The following IL13RA1 variants were observed in gnomAD, a reference collection of about 807,000 sequenced individuals.
IL13RA1 encodes interleukin-13 receptor subunit alpha-1.
Under a neutral mutation model 33.8 loss-of-function variants are expected in IL13RA1, and 14 were observed. That is an observed-to-expected ratio of 0.41 (90% CI 0.27 to 0.65). The LOEUF is 0.65. IL13RA1 is among the 30% of genes least tolerant of loss of function. The pLI is 0.28. For synonymous variants in IL13RA1, 116 were observed against 115.7 expected (o/e 1.00, Z -0.02); for missense variants, 313 against 327.0 (o/e 0.96, Z 0.33).
At chrX:118,801,348 G>C in the IL13RA1 span, among the ~76,000 whole-genome samples, 1 of 111,652 alleles carries the variant, frequency 9.0e-6, no homozygotes, top group Non-Finnish European at 1.9e-5. Context: ...CCTTATTGTG[G>C]ATCTTCTTCC....
At chrX:118,731,577 CAAA>C (rs371387309) in intron 1 of IL13RA1, among the ~76,000 whole-genome samples, 9 of 53,659 alleles carry the variant, frequency 1.7e-4, no homozygotes, top group Admixed American at 3.8e-4. Flanking sequence ...ACTCCGTCTC[CAAA>C]AAAAAAAAAA....
At position 118,793,459 on chromosome X, in the gene IL13RA1, G is replaced by T. The variant is rs1470827188; in HGVS notation, c.*1605G>T. 2 of 111,724 alleles carry T rather than the reference G, an allele frequency of 1.8e-5. No homozygotes were observed. The highest frequency in any genetic ancestry group is 3.8e-5 in the Non-Finnish European group (2 of 53,192). 9.2% of individuals were successfully genotyped at this position (111,724 alleles called of 1,213,427 possible). ...CTTTTGTGTCTTACATTGGTAGCCA[G>T]CCAGCCAAGGCTCTGTTTATGCTTT... On this transcript the variant is annotated 3_prime_UTR_variant, in exon 11 of 11. Coordinates refer to ENST00000371666, the MANE Select transcript of IL13RA1 (RefSeq NM_001560.3).
At chrX:118,773,688 C>T (rs933176654) in intron 8 of IL13RA1, among the ~76,000 whole-genome samples, 191 bp from the exon 9 acceptor site, 1 of 98,329 alleles carries the variant, frequency 1.0e-5, no homozygotes, top group African/African-American at 4.0e-5. Context: ...GAAGTTCAGG[C>T]ACCAGAGGAG....
chrX:118,804,102 G>A, the IL13RA1 span, among the ~76,000 whole-genome samples: 5 of 107,214 alleles, frequency 4.7e-5, no homozygotes, highest in Non-Finnish European at 7.7e-5. Flanking sequence ...GATTACAGGC[G>A]CCCGCCACCA....
chrX:118,765,389 C>T (rs1403215355), intron 6 of IL13RA1, among the ~76,000 whole-genome samples: 2 of 111,117 alleles, frequency 1.8e-5, no homozygotes, highest in Admixed American at 1.9e-4. Flanking sequence ...GGATTACAGG[C>T]GTGAGCCACT....
At chrX:118,741,647 C>T (rs1273186130) in intron 2 of IL13RA1, among the ~76,000 whole-genome samples, 5 of 111,459 alleles carry the variant, frequency 4.5e-5, no homozygotes, top group Non-Finnish European at 9.4e-5. Context: ...CTGTAATGCC[C>T]GCGGAAAAAG....
chrX:118,736,327 TTTTTG>T (rs1422400443), intron 1 of IL13RA1, among the ~76,000 whole-genome samples: 1 of 111,434 alleles, frequency 9.0e-6, no homozygotes, highest in South Asian at 3.7e-4. Flanking sequence ...TTTCCTGGTT[TTTTTG>T]TTTTGTTTTG....
At chrX:118,785,521 T>C (rs1159407496) in intron 10 of IL13RA1, among the ~76,000 whole-genome samples, 5 of 112,209 alleles carry the variant, frequency 4.5e-5, no homozygotes, top group Non-Finnish European at 9.4e-5. Context: ...TTGCCCTGTG[T>C]TTCTTCTAGC....
At chrX:118,787,104 T>C (rs2017927295) in intron 10 of IL13RA1, among the ~76,000 whole-genome samples, 1 of 112,019 alleles carries the variant, frequency 8.9e-6, no homozygotes, top group South Asian at 3.7e-4. Context: ...GATTTCATCT[T>C]GTGTTGGTAG....
At chrX:118,757,298 G>A (rs2843572) in intron 4 of IL13RA1, among the ~76,000 whole-genome samples, 1 of 110,996 alleles carries the variant, frequency 9.0e-6, no homozygotes, top group Non-Finnish European at 1.9e-5. Context: ...TTGGGAGGCC[G>A]AGGCGGGTGG....
intron 5 of IL13RA1, among the ~76,000 whole-genome samples, chrX:118,759,598 G>T (rs2017569766): frequency 9.1e-6 from 1 of 110,283 alleles, no homozygotes. Context: ...TTATTTTGCT[G>T]TTTTCCTCTC....
chrX:118,744,274 G>C (rs906760317), intron 2 of IL13RA1, among the ~76,000 whole-genome samples: 12 of 111,489 alleles, frequency 1.1e-4, no homozygotes, highest in Non-Finnish European at 1.9e-5. Flanking sequence ...TGTTTACCTT[G>C]AACTTTGAAA....
chrX:118,730,914 G>A (rs1169320278), intron 1 of IL13RA1, among the ~76,000 whole-genome samples: 1 of 112,390 alleles, frequency 8.9e-6, no homozygotes, highest in African/African-American at 3.2e-5. Flanking sequence ...TGTAAGGGAA[G>A]GGACAGATGA....
the IL13RA1 span, among the ~76,000 whole-genome samples, chrX:118,804,499 T>C: frequency 9.0e-6 from 1 of 110,982 alleles, no homozygotes; most frequent in African/African-American, 3.3e-5. Flanking sequence ...CATATCTGTG[T>C]TGTGTAATTT....
chrX:118,799,146 C>G (rs1443663157), downstream of IL13RA1, among the ~76,000 whole-genome samples: 1 of 113,272 alleles, frequency 8.8e-6, no homozygotes, highest in Non-Finnish European at 1.9e-5. Context: ...AGTGCCGGCC[C>G]ACCGGCGCTG....
chrX:118,748,587 A>G (rs994724157), intron 3 of IL13RA1, among the ~76,000 whole-genome samples: 3 of 110,090 alleles, frequency 2.7e-5, no homozygotes, highest in Non-Finnish European at 3.8e-5. Flanking sequence ...CAGAGGTTGC[A>G]GTGAGCCAAG....
chrX:118,784,158 C>T lies in IL13RA1; in HGVS notation c.1192-7604C>T, dbSNP rs12835562. 1.3e-3 allele frequency among the ~76,000 whole-genome samples: 92 copies of T among 70,283 alleles called. 1 individual carries two copies. The highest frequency in any genetic ancestry group is 6.7e-3 in the African/African-American group (89 of 13,262). The allele number at this position is 70,283 out of a possible 115,157, so 61.0% of individuals were successfully genotyped here. On this transcript the variant is annotated intron_variant, in intron 10 of 10. Coordinates refer to ENST00000371666, the MANE Select transcript of IL13RA1 (RefSeq NM_001560.3). ...ATATATATATATATACGTATATACA[C>T]ATATATACGTATATATATTCTTTTA...
At chrX:118,734,532 TAA>T (rs1447547179) in intron 1 of IL13RA1, among the ~76,000 whole-genome samples, 1 of 112,383 alleles carries the variant, frequency 8.9e-6, no homozygotes, top group Non-Finnish European at 1.9e-5. Flanking sequence ...TCATGAAAAG[TAA>T]ATTTTGTCTA....
chrX:118,755,822 G>T (rs2017523946), intron 4 of IL13RA1, among the ~76,000 whole-genome samples: 1 of 111,791 alleles, frequency 8.9e-6, no homozygotes, highest in Non-Finnish European at 1.9e-5. Flanking sequence ...AAACATTCCA[G>T]GACAGTCTGA....
Sources: gnomAD v4.1 joint callset for allele counts (sites outside exome capture counted in the v4.1 genomes callset) on GRCh38, gnomAD v4.1.1 for gene constraint, MANE v1.5 for transcripts, NCBI Gene and HGNC (gene_info 2026-07-23, HGNC 2026-07-21) for gene names.